Variants in GRM1 observed in about 807,000 individuals in gnomAD.
GRM1 encodes the protein metabotropic glutamate receptor 1.
GRM1 carries 33 observed loss-of-function variants against 90.9 expected under a neutral mutation model. The ratio of observed to expected loss-of-function variants is 0.36; its 90% CI spans 0.28 to 0.49. The LOEUF (loss-of-function observed/expected upper bound fraction) is 0.49, where lower values mean the gene tolerates loss of function less well. GRM1 is among the 20% of genes least tolerant of loss of function. The pLI, the probability that GRM1 is intolerant of heterozygous loss-of-function variation, is 0.99. For synonymous variants in GRM1, 700 were observed against 613.2 expected, an observed-to-expected ratio of 1.14 and a Z score of -2.09; for missense variants, 1,190 against 1,534.3, an observed-to-expected ratio of 0.78 and a Z score of 3.75.
chr6:146,395,337 G>GTT (rs1414459104), intron 6 of GRM1, among the ~76,000 whole-genome samples: 1 of 151,964 alleles, frequency 6.6e-6, no homozygotes, highest in Non-Finnish European at 1.5e-5. Context: ...TTTTAAGTTA[G>GTT]TTGTTGAGTC....
At chr6:146,084,402 C>A (rs1776472235) in intron 1 of GRM1, among the ~76,000 whole-genome samples, 1 of 151,950 alleles carries the variant, frequency 6.6e-6, no homozygotes, top group Non-Finnish European at 1.5e-5. Flanking sequence ...CTTAACGCTG[C>A]TTTAGCTGTG....
chr6:146,175,394 A>G (rs1778302841), intron 2 of GRM1, among the ~76,000 whole-genome samples: 1 of 152,194 alleles, frequency 6.6e-6, no homozygotes, highest in Admixed American at 6.5e-5. Flanking sequence ...GACTTATAAT[A>G]GATTCTTGTT....
At chr6:146,058,107 C>T (rs987020457) in intron 1 of GRM1, among the ~76,000 whole-genome samples, 8 of 152,026 alleles carry the variant, frequency 5.3e-5, no homozygotes, top group Non-Finnish European at 8.8e-5. Context: ...TTGAGGACTT[C>T]GGGTGATTGT....
intron 2 of GRM1, among the ~76,000 whole-genome samples, chr6:146,275,994 C>CAGAG (rs150993040): frequency 8.7e-5 from 13 of 148,752 alleles, no homozygotes; most frequent in African/African-American, 3.0e-4. Flanking sequence ...AGGAGGAAGG[C>CAGAG]AGAGAGAGAG....
chr6:146,183,694 T>C (rs1235685787), intron 2 of GRM1, among the ~76,000 whole-genome samples: 1 of 152,150 alleles, frequency 6.6e-6, no homozygotes, highest in Non-Finnish European at 1.5e-5. Flanking sequence ...ACTGTGCGAT[T>C]CTCCTCTAGA....
At position 146,434,166 on chromosome 6, in the gene GRM1, G is replaced by T. The variant is rs531157681; in HGVS notation, c.2955G>T (p.Ala985=). Residue 985 remains alanine (A), a synonymous_variant, in exon 8 of 8, where the codon GCG becomes GCT. Coordinates refer to ENST00000282753, the MANE Select transcript of GRM1 (RefSeq NM_001278064.2). ...TGGTGCACAGGCGCGTGCCAAGCGC[G>T]GCGACCACTCCGCCTCTGCCGTCCC... ...SMVVHRRVPS[A]ATTPPLPSHL... 1 of 1,613,684 alleles carries T rather than the reference G, an allele frequency of 6.2e-7. No individual in the cohort carries two copies. Among genetic ancestry groups the T allele is most frequent in the African/African-American group, 1.3e-5 (1 of 75,044 alleles).
At chr6:146,316,642 G>A (rs1223530377) in intron 3 of GRM1, among the ~76,000 whole-genome samples, 1 of 152,198 alleles carries the variant, frequency 6.6e-6, no homozygotes, top group Non-Finnish European at 1.5e-5. Context: ...CATCCAGGCA[G>A]TTGACGACAT....
At chr6:146,356,344 A>G (rs1192546974) in intron 4 of GRM1, among the ~76,000 whole-genome samples, 2 of 152,184 alleles carry the variant, frequency 1.3e-5, no homozygotes, top group East Asian at 3.9e-4. Flanking sequence ...CAAGGCACCA[A>G]CAGATTTGGT....
intron 2 of GRM1, among the ~76,000 whole-genome samples, chr6:146,260,454 A>G (rs554952034): frequency 2.0e-5 from 3 of 152,252 alleles, no homozygotes; most frequent in Admixed American, 2.0e-4. Flanking sequence ...TAGTGGTGCA[A>G]TAAACATACA....
intron 3 of GRM1, among the ~76,000 whole-genome samples, chr6:146,324,203 A>C (rs1583326013): frequency 6.6e-6 from 1 of 152,036 alleles, no homozygotes; most frequent in Non-Finnish European, 1.5e-5. Flanking sequence ...GGAGGGGAAA[A>C]CCACCTACTG....
At chr6:146,372,772 G>A (rs1484846476) in intron 5 of GRM1, among the ~76,000 whole-genome samples, 6 of 151,998 alleles carry the variant, frequency 3.9e-5, no homozygotes, top group African/African-American at 1.2e-4. Context: ...TTTACTGCAG[G>A]TGTGTGGATT....
rs139834912 is a variant in GRM1 at position 146,185,855 on chromosome 6, A to G, written c.950+26258A>G. On this transcript the variant is annotated intron_variant, in intron 2 of 7. Coordinates refer to ENST00000282753, the MANE Select transcript of GRM1 (RefSeq NM_001278064.2). ...TGAGCCACTTAGGCTTAGAGAGAGT[A>G]ATACCATTAAGCTCATTTTCTGGGA... is the stretch of plus-strand genomic sequence containing the variant. 3.2e-3 allele frequency among the ~76,000 whole-genome samples: 490 copies of G among 152,304 alleles called. 7 individuals are homozygous for G. Among genetic ancestry groups the G allele is most frequent in the Admixed American group, 0.01 (153 of 15,286 alleles).
intron 2 of GRM1, among the ~76,000 whole-genome samples, chr6:146,300,091 G>A (rs776933225): frequency 7.9e-5 from 12 of 151,904 alleles, no homozygotes; most frequent in Non-Finnish European, 1.2e-4. Flanking sequence ...TATGGTTTTC[G>A]TCTTTTCCCT....
At chr6:146,040,236 T>G (rs1791048348) in intron 1 of GRM1, among the ~76,000 whole-genome samples, 1 of 152,012 alleles carries the variant, frequency 6.6e-6, no homozygotes, top group South Asian at 2.1e-4. Flanking sequence ...AGAAAGCTGA[T>G]GGGTAAAAGA....
chr6:146,048,734 G>A (rs1236030369), intron 1 of GRM1, among the ~76,000 whole-genome samples: 1 of 151,946 alleles, frequency 6.6e-6, no homozygotes, highest in South Asian at 2.1e-4. Context: ...CACACAGGAA[G>A]AACACAATTT....
At chr6:146,033,624 T>C (rs1036486000) in intron 1 of GRM1, among the ~76,000 whole-genome samples, 7 of 152,096 alleles carry the variant, frequency 4.6e-5, no homozygotes, top group Non-Finnish European at 1.0e-4. Context: ...AATTTAGTGA[T>C]GCTGCTTCCC....
chr6:146,226,714 A>G (rs1420646541), intron 2 of GRM1, among the ~76,000 whole-genome samples: 5 of 152,132 alleles, frequency 3.3e-5, no homozygotes, highest in African/African-American at 1.2e-4. Flanking sequence ...GGTTTGACCA[A>G]TTACTGCTCA....
intron 6 of GRM1, among the ~76,000 whole-genome samples, chr6:146,396,554 A>G (rs1181274311): frequency 1.3e-5 from 2 of 152,148 alleles, no homozygotes; most frequent in African/African-American, 4.8e-5. Flanking sequence ...ATGTTTATGA[A>G]CTATCCCTTA....
intron 3 of GRM1, among the ~76,000 whole-genome samples, chr6:146,312,292 CAT>C (rs2114945587): frequency 8.2e-6 from 1 of 121,328 alleles, no homozygotes; most frequent in South Asian, 2.7e-4. Flanking sequence ...AGTGAGCTGA[CAT>C]AGCGCCACTG....
Sources: allele counts gnomAD v4.1 joint callset (sites outside exome capture counted in the v4.1 genomes callset), GRCh38; gene constraint gnomAD v4.1.1; transcripts MANE v1.5; gene names NCBI Gene and HGNC (gene_info 2026-07-23, HGNC 2026-07-21).